Variants in BTBD9 observed in about 807,000 individuals in gnomAD.
The protein encoded by BTBD9 is BTB domain containing 9, also known as BTB/POZ domain-containing protein 9.
In BTBD9, 49 loss-of-function variants were observed where a neutral mutation model predicts 64.3. The observed-to-expected ratio is 0.76, with a 90% confidence interval of 0.61 to 0.97. BTBD9 has a LOEUF of 0.97. Among genes scored for constraint, BTBD9 ranks in the 50% least tolerant of loss-of-function variants. The pLI is 0.00. For missense variants in BTBD9, 598 were observed against 762.1 expected, an observed-to-expected ratio of 0.78 and a Z score of 2.53; for synonymous variants, 260 against 274.7, an observed-to-expected ratio of 0.95 and a Z score of 0.53.
At chr6:38,183,745 C>G (rs1027145180) in intron 10 of BTBD9, among the ~76,000 whole-genome samples, 3 of 152,246 alleles carry the variant, frequency 2.0e-5, no homozygotes, top group Admixed American at 2.0e-4. Flanking sequence ...CATCAGAGCT[C>G]TGCCATTCTC....
chr6:38,226,775 TCA>T (rs1280750199), intron 9 of BTBD9, among the ~76,000 whole-genome samples: 1 of 152,216 alleles, frequency 6.6e-6, no homozygotes, highest in Non-Finnish European at 1.5e-5. Context: ...ACACACGCAC[TCA>T]CAGAGTTACC....
intron 7 of BTBD9, among the ~76,000 whole-genome samples, chr6:38,333,328 TCAGTAAAATG>T (rs759472577): frequency 9.2e-5 from 14 of 152,324 alleles, no homozygotes; most frequent in Non-Finnish European, 1.5e-4. Flanking sequence ...GTAGAGAGTA[TCAGTAAAATG>T]TGCAAGTATT....
chr6:38,541,590 T>A (rs991521650), intron 6 of BTBD9, among the ~76,000 whole-genome samples: 1 of 152,044 alleles, frequency 6.6e-6, no homozygotes, highest in African/African-American at 2.4e-5. Flanking sequence ...TACAAAAAAT[T>A]AGCCGGGCAT....
intron 6 of BTBD9, chr6:38,402,980 G>A (rs1289565227): frequency 5.9e-5 from 35 of 590,130 alleles, no homozygotes; most frequent in Non-Finnish European, 1.1e-4. Context: ...GGTTAAGGTG[G>A]GAGAATTGCT....
At chr6:38,177,379 C>T (rs1761320189) in intron 10 of BTBD9, among the ~76,000 whole-genome samples, 1 of 152,204 alleles carries the variant, frequency 6.6e-6, no homozygotes, top group South Asian at 2.1e-4. Context: ...GTGCCTCCCG[C>T]TCCGTGGCCC....
chr6:38,379,106 C>T (rs983719422), intron 6 of BTBD9, among the ~76,000 whole-genome samples: 4 of 152,190 alleles, frequency 2.6e-5, no homozygotes, highest in South Asian at 2.1e-4. Context: ...TGCTGATCCC[C>T]GGTAGCAGTT....
At chr6:38,586,363 T>C (rs1562379001) in intron 4 of BTBD9, among the ~76,000 whole-genome samples, 1 of 151,788 alleles carries the variant, frequency 6.6e-6, no homozygotes, top group East Asian at 1.9e-4. Flanking sequence ...TAAACTACCT[T>C]CCAGAAAGAC....
chr6:38,253,819 C>T (rs891977921), intron 9 of BTBD9, among the ~76,000 whole-genome samples: 9 of 151,802 alleles, frequency 5.9e-5, no homozygotes, highest in African/African-American at 1.7e-4. Flanking sequence ...TCATCTAGCT[C>T]GGTACAGTCC....
At chr6:38,522,921 G>A (rs1773331795) in intron 6 of BTBD9, among the ~76,000 whole-genome samples, 1 of 152,154 alleles carries the variant, frequency 6.6e-6, no homozygotes, top group Non-Finnish European at 1.5e-5. Context: ...AGTGGTTCAT[G>A]CCTGTAATCC....
chr6:38,201,010 A>G (rs1181751775), intron 9 of BTBD9, among the ~76,000 whole-genome samples: 1 of 147,180 alleles, frequency 6.8e-6, no homozygotes, highest in East Asian at 1.9e-4. Context: ...ACAGAGCAAG[A>G]CCCTGTCTAT....
chr6:38,302,245 T>C (rs1762430953), intron 7 of BTBD9, among the ~76,000 whole-genome samples: 1 of 152,014 alleles, frequency 6.6e-6, no homozygotes, highest in Admixed American at 6.6e-5. Flanking sequence ...TAACTGTAAC[T>C]CTGTACCAGC....
chr6:38,488,885 T>C (rs1245037093), intron 6 of BTBD9, among the ~76,000 whole-genome samples: 1 of 132,904 alleles, frequency 7.5e-6, no homozygotes, highest in African/African-American at 3.0e-5. Context: ...TTTTATTATT[T>C]CCTTGCAACT....
Position 38,632,046 on chromosome 6 carries a change from T to C in BTBD9, c.-28+7754A>G, listed in dbSNP as rs182767172. The stretch of plus-strand genomic sequence containing the variant: ...CAGAGGCTGAGGCAGGAGAATGGCT[T>C]GAACCCAGGGGGCGGAGGTTGCTGT... On this transcript the variant is annotated intron_variant, in intron 1 of 10. Transcript: ENST00000481247. Among the ~76,000 whole-genome samples the C allele has an allele frequency of 5.0e-3, 761 of 152,254 alleles. 10 individuals carry two copies. The highest frequency in any genetic ancestry group is 0.017 in the Middle Eastern group (5 of 294).
chr6:38,515,184 T>G (rs1192878062), intron 6 of BTBD9, among the ~76,000 whole-genome samples: 1 of 152,224 alleles, frequency 6.6e-6, no homozygotes, highest in Admixed American at 6.5e-5. Flanking sequence ...TTACTTCTAT[T>G]CCACAGACTT....
chr6:38,484,104 T>C (rs1180017429), intron 6 of BTBD9, among the ~76,000 whole-genome samples: 2 of 152,208 alleles, frequency 1.3e-5, no homozygotes, highest in East Asian at 3.8e-4. Context: ...ATAAATGAAA[T>C]GACGATGAAA....
At chr6:38,501,900 G>T (rs541773253) in intron 6 of BTBD9, among the ~76,000 whole-genome samples, 1 of 152,210 alleles carries the variant, frequency 6.6e-6, no homozygotes, top group East Asian at 1.9e-4. Context: ...TGGGTTTACT[G>T]TTGTATTTTT....
intron 6 of BTBD9, among the ~76,000 whole-genome samples, chr6:38,503,145 A>G (rs1420588970): frequency 6.6e-6 from 1 of 151,936 alleles, no homozygotes; most frequent in Admixed American, 6.6e-5. Context: ...TGTCACTTCT[A>G]TTATTCCATT....
intron 6 of BTBD9, among the ~76,000 whole-genome samples, chr6:38,521,186 C>A (rs1773259743): frequency 6.6e-6 from 1 of 151,686 alleles, no homozygotes; most frequent in South Asian, 2.1e-4. Flanking sequence ...TTCAAATCGC[C>A]ACTCTGCCCT....
intron 6 of BTBD9, among the ~76,000 whole-genome samples, chr6:38,467,819 A>G (rs1485961574): frequency 3.3e-5 from 5 of 151,836 alleles, no homozygotes; most frequent in African/African-American, 1.2e-4. Flanking sequence ...CTACTTCTTC[A>G]CTCTTTCCAT....
Sources: gnomAD v4.1 joint callset for allele counts (sites outside exome capture counted in the v4.1 genomes callset) on GRCh38, gnomAD v4.1.1 for gene constraint, MANE v1.5 for transcripts, NCBI Gene and HGNC (gene_info 2026-07-23, HGNC 2026-07-21) for gene names.